The following SH3GL2 variants were observed in gnomAD, a reference collection of about 807,000 sequenced individuals.
The protein encoded by SH3GL2 is endophilin-A1.
Under a neutral mutation model 46.0 loss-of-function variants are expected in SH3GL2, and 24 were observed. The ratio of observed to expected loss-of-function variants is 0.52; its 90% CI spans 0.38 to 0.73. SH3GL2 has a LOEUF of 0.73. Among genes scored for constraint, SH3GL2 ranks in the 30% least tolerant of loss-of-function variants. SH3GL2 has a pLI of 0.00. For missense variants in SH3GL2, 413 were observed against 424.2 expected, an observed-to-expected ratio of 0.97 and a Z score of 0.23; for synonymous variants, 196 against 147.1, an observed-to-expected ratio of 1.33 and a Z score of -2.40.
chr9:17,679,566 A>G (rs1010107231), intron 1 of SH3GL2, among the ~76,000 whole-genome samples: 1 of 152,176 alleles, frequency 6.6e-6, no homozygotes, highest in African/African-American at 2.4e-5. Context: ...CAATCATGTC[A>G]TCTGCAAACA....
At chr9:17,791,994 TATA>T (rs918009090) in intron 7 of SH3GL2, among the ~76,000 whole-genome samples, 9 of 152,216 alleles carry the variant, frequency 5.9e-5, no homozygotes, top group African/African-American at 1.7e-4. Context: ...GGCCCTATGT[TATA>T]ATATGTGTTA....
intron 1 of SH3GL2, among the ~76,000 whole-genome samples, chr9:17,615,658 C>CAAAAA (rs55926751): frequency 2.4e-5 from 2 of 82,644 alleles, no homozygotes; most frequent in South Asian, 4.7e-4. Flanking sequence ...GACTCCGTCT[C>CAAAAA]AAAAAAAAAA....
intron 1 of SH3GL2, among the ~76,000 whole-genome samples, chr9:17,671,927 C>T (rs1820484658): frequency 6.6e-6 from 1 of 152,034 alleles, no homozygotes; most frequent in Non-Finnish European, 1.5e-5. Flanking sequence ...ATTGTGTTAC[C>T]TCAACAAAGA....
At chr9:17,664,138 T>G (rs1820289159) in intron 1 of SH3GL2, among the ~76,000 whole-genome samples, 1 of 152,226 alleles carries the variant, frequency 6.6e-6, no homozygotes, top group Non-Finnish European at 1.5e-5. Flanking sequence ...TAAGTGAAGT[T>G]GCTAGCTGCT....
intron 1 of SH3GL2, among the ~76,000 whole-genome samples, chr9:17,655,947 A>G (rs918929146): frequency 6.6e-6 from 1 of 152,194 alleles, no homozygotes; most frequent in South Asian, 2.1e-4. Context: ...TTAAAGCCCA[A>G]CTTGGCACAT....
chr9:17,622,674 T>C (rs989970504), intron 1 of SH3GL2, among the ~76,000 whole-genome samples: 4 of 152,192 alleles, frequency 2.6e-5, no homozygotes, highest in Non-Finnish European at 4.4e-5. Context: ...CATGTGACCC[T>C]GGGTTTGTCT....
intron 1 of SH3GL2, among the ~76,000 whole-genome samples, chr9:17,725,398 C>T (rs1422737513): frequency 6.6e-6 from 1 of 152,122 alleles, no homozygotes; most frequent in East Asian, 1.9e-4. Context: ...CTTATTGTTA[C>T]TGTTATCATG....
chr9:17,681,125 A>G (rs1820755761), intron 1 of SH3GL2, among the ~76,000 whole-genome samples: 2 of 152,152 alleles, frequency 1.3e-5, no homozygotes, highest in Non-Finnish European at 2.9e-5. Flanking sequence ...GAAGCTTTCA[A>G]GGAATCAAAA....
intron 1 of SH3GL2, among the ~76,000 whole-genome samples, chr9:17,594,632 A>G (rs986163930): frequency 2.6e-5 from 4 of 152,016 alleles, no homozygotes; most frequent in African/African-American, 9.7e-5. Context: ...TGTATCCTGG[A>G]ACTTAAAGTA....
chr9:17,605,754 G>A (rs972655331), intron 1 of SH3GL2, among the ~76,000 whole-genome samples: 8 of 152,174 alleles, frequency 5.3e-5, no homozygotes, highest in Admixed American at 2.0e-4. Flanking sequence ...TTCATGGTGT[G>A]AGATTTGTCA....
rs1001265 is a variant in SH3GL2, at chr9:17,628,728, C to T, written c.45+49441C>T. Among the ~76,000 whole-genome samples the T allele has an allele frequency of 7.3e-3, 1,110 of 151,422 alleles. 6 individuals are homozygous for T. The highest frequency in any genetic ancestry group is 0.011 in the Admixed American group (171 of 15,222). On this transcript the variant is annotated intron_variant, in intron 1 of 8. Transcript: ENST00000380607. ...GTTCTGGGTAGATTTTTTTCTAGCT[C>T]AAGGGAGAATTGTATATTGGGCACT...
chr9:17,746,943 A>G lies in SH3GL2; in HGVS notation c.46-123A>G, dbSNP rs1822706476. On this transcript the variant is annotated intron_variant, in intron 1 of 8. Coordinates refer to ENST00000380607, the MANE Select transcript of SH3GL2 (RefSeq NM_003026.5). Reference sequence around the variant, plus strand: ...TGCTGCTATAAAAATGAGACTCTCCACCTAAGTCAGGGAATGGTTGTGAGA... The same window carrying G: ...TGCTGCTATAAAAATGAGACTCTCCGCCTAAGTCAGGGAATGGTTGTGAGA... 1.4e-5 allele frequency: 9 copies of G among 657,860 alleles called. No individual in the cohort carries two copies. The South Asian group carries it at 1.7e-4, about 12-fold the overall frequency. 40.8% of individuals were successfully genotyped at this position (657,860 alleles called of 1,614,324 possible). A position where few individuals can be genotyped will look rare whatever the true frequency, so the allele number is the denominator to read the frequency against.
At chr9:17,785,314 A>G (rs1241921730) in intron 3 of SH3GL2, among the ~76,000 whole-genome samples, 1 of 152,200 alleles carries the variant, frequency 6.6e-6, no homozygotes, top group Non-Finnish European at 1.5e-5. Flanking sequence ...TCAGTTCATT[A>G]TAAACTTTGT....
chr9:17,731,371 C>A (rs1371222141), intron 1 of SH3GL2, among the ~76,000 whole-genome samples: 1 of 147,256 alleles, frequency 6.8e-6, no homozygotes, highest in African/African-American at 2.6e-5. Context: ...GAATTTGTGC[C>A]CTTAAAAGAA....
At chr9:17,784,525 G>C (rs556695068) in intron 3 of SH3GL2, among the ~76,000 whole-genome samples, 5 of 152,124 alleles carry the variant, frequency 3.3e-5, no homozygotes, top group Admixed American at 1.3e-4. Context: ...TATTCGTGCT[G>C]TCATTCTTCA....
rs183145787 is a variant in SH3GL2, at chr9:17,643,289, C to T, written c.45+64002C>T. On this transcript the variant is annotated intron_variant, in intron 1 of 8. Transcript: ENST00000380607. The stretch of plus-strand genomic sequence containing the variant: ...CTTATCAGCTTAAGGAGTTTTTGGA[C>T]TGAGACGATGGGGTTTTCTAAATAT... Among the ~76,000 whole-genome samples, 16 of 152,284 alleles carry T rather than the reference C, an allele frequency of 1.1e-4. No individual in the cohort carries two copies. The South Asian group carries it at 2.3e-3, about 22-fold the overall frequency.
chr9:17,699,347 A>G (rs1821289064), intron 1 of SH3GL2, among the ~76,000 whole-genome samples: 1 of 152,140 alleles, frequency 6.6e-6, no homozygotes, highest in Non-Finnish European at 1.5e-5. Context: ...ACAAGCAGTC[A>G]CAGCTTATAT....
rs572219638 is a variant in SH3GL2, at chr9:17,679,989, G to A, written c.46-67077G>A. On this transcript the variant is annotated intron_variant, in intron 1 of 8. Coordinates refer to ENST00000380607, the MANE Select transcript of SH3GL2 (RefSeq NM_003026.5). ...TCCCTGGGATGAAGCCCACTTGATCGTGGTGGATAAGCTTTTTGATGTGCT... is the reference window on the plus strand; with the variant it reads ...TCCCTGGGATGAAGCCCACTTGATCATGGTGGATAAGCTTTTTGATGTGCT... 1.9e-3 allele frequency among the ~76,000 whole-genome samples: 287 copies of A among 152,080 alleles called. 4 individuals are homozygous for A. The highest frequency in any genetic ancestry group is 6.1e-3 in the African/African-American group (252 of 41,472).
intron 1 of SH3GL2, among the ~76,000 whole-genome samples, chr9:17,646,118 A>C (rs1005823914): frequency 4.6e-5 from 7 of 151,414 alleles, no homozygotes; most frequent in Non-Finnish European, 8.8e-5. Flanking sequence ...TTATTTTATT[A>C]AGCTGATCTT....
Sources: allele counts gnomAD v4.1 joint callset (sites outside exome capture counted in the v4.1 genomes callset), GRCh38; gene constraint gnomAD v4.1.1; transcripts MANE v1.5; gene names NCBI Gene and HGNC (gene_info 2026-07-23, HGNC 2026-07-21).